The following PTPRD variants were observed in gnomAD, a reference collection of about 807,000 sequenced individuals.
The protein encoded by PTPRD is protein tyrosine phosphatase receptor type D, also known as receptor-type tyrosine-protein phosphatase delta.
Under a neutral mutation model 214.5 loss-of-function variants are expected in PTPRD, and 34 were observed. That is an observed-to-expected ratio of 0.16 (90% CI 0.12 to 0.21). The LOEUF (loss-of-function observed/expected upper bound fraction) is 0.21. PTPRD is among the 10% of genes least tolerant of loss of function. The pLI, the probability that PTPRD is intolerant of heterozygous loss-of-function variation, is 1.00. For synonymous variants in PTPRD, 1,128 were observed against 845.7 expected (o/e 1.33, Z -5.79); for missense variants, 2,545 against 2,398.7 (o/e 1.06, Z -1.27).
intron 5 of PTPRD, among the ~76,000 whole-genome samples, chr9:9,922,814 C>G (rs1265886992): frequency 6.6e-6 from 1 of 151,852 alleles, no homozygotes; most frequent in Non-Finnish European, 1.5e-5. Flanking sequence ...GCAAGAAAAG[C>G]TGGAGAGGTT....
intron 3 of PTPRD, among the ~76,000 whole-genome samples, chr9:10,083,819 T>A (rs151116513): frequency 1.9e-3 from 282 of 152,122 alleles, no homozygotes; most frequent in African/African-American, 6.5e-3. Context: ...GAGTTCATGC[T>A]TCCTTGATAA....
intron 9 of PTPRD, among the ~76,000 whole-genome samples, chr9:9,267,622 A>C (rs2132535262): frequency 6.6e-6 from 1 of 151,400 alleles, no homozygotes; most frequent in East Asian, 2.0e-4. Context: ...ATAGATAAAA[A>C]ATTCTCAAAA....
At chr9:10,469,413 G>C (rs903875169) in intron 2 of PTPRD, among the ~76,000 whole-genome samples, 1 of 152,076 alleles carries the variant, frequency 6.6e-6, no homozygotes, top group East Asian at 1.9e-4. Flanking sequence ...GAAGCAGAGA[G>C]AAATCCTTGC....
chr9:10,144,669 G>A (rs2099010119), intron 3 of PTPRD, among the ~76,000 whole-genome samples: 1 of 152,094 alleles, frequency 6.6e-6, no homozygotes, highest in Non-Finnish European at 1.5e-5. Flanking sequence ...TGGAGAGGAA[G>A]AATTTGATTT....
chr9:8,783,294 T>G (rs2154495339), intron 11 of PTPRD, among the ~76,000 whole-genome samples: 1 of 152,190 alleles, frequency 6.6e-6, no homozygotes, highest in Non-Finnish European at 1.5e-5. Flanking sequence ...AATGTTGGAG[T>G]TATTAATTTC....
chr9:10,225,999 A>C (rs540354448), intron 3 of PTPRD, among the ~76,000 whole-genome samples: 1 of 152,040 alleles, frequency 6.6e-6, no homozygotes, highest in Non-Finnish European at 1.5e-5. Flanking sequence ...TTTAAGTCCT[A>C]CTGCAGTTTA....
At chr9:10,584,142 C>T (rs1398241021) in intron 2 of PTPRD, among the ~76,000 whole-genome samples, 1 of 151,100 alleles carries the variant, frequency 6.6e-6, no homozygotes, top group Non-Finnish European at 1.5e-5. Flanking sequence ...CTTCTCTCTC[C>T]TATATCACAA....
chr9:9,286,274 G>A (rs1285584108), intron 9 of PTPRD, among the ~76,000 whole-genome samples: 2 of 151,756 alleles, frequency 1.3e-5, no homozygotes, highest in Admixed American at 1.3e-4. Context: ...CTCCAAAAGG[G>A]ATTTTTAAAA....
chr9:10,421,303 C>T (rs1028625044), intron 2 of PTPRD, among the ~76,000 whole-genome samples: 3 of 151,710 alleles, frequency 2.0e-5, no homozygotes, highest in African/African-American at 7.3e-5. Flanking sequence ...TCTTGCTCAC[C>T]CCCACACATA....
At chr9:8,767,194 C>T (rs1438496126) in intron 11 of PTPRD, among the ~76,000 whole-genome samples, 3 of 151,962 alleles carry the variant, frequency 2.0e-5, no homozygotes, top group Non-Finnish European at 2.9e-5. Context: ...CTTGGCTCAC[C>T]GCAACCTCCG....
intron 14 of PTPRD, among the ~76,000 whole-genome samples, chr9:8,601,422 G>A (rs2094854217): frequency 6.6e-6 from 1 of 152,144 alleles, no homozygotes; most frequent in Non-Finnish European, 1.5e-5. Context: ...GTTACAGCAG[G>A]CCTTGGGCAA....
chr9:9,714,688 G>A (rs112418128), intron 7 of PTPRD, among the ~76,000 whole-genome samples: 4 of 152,178 alleles, frequency 2.6e-5, no homozygotes, highest in South Asian at 2.1e-4. Flanking sequence ...GTACTGAAGA[G>A]TGGTGGAGCT....
At chr9:8,460,348 T>C (rs2096362959) in intron 33 of PTPRD, 63 bp downstream of exon 33, 1 of 1,581,390 alleles carries the variant, frequency 6.3e-7, no homozygotes, top group Non-Finnish European at 8.7e-7. Flanking sequence ...AGCAGAACAA[T>C]GATCAAGTCT....
chr9:10,264,479 G>C (rs1045966187), intron 3 of PTPRD, among the ~76,000 whole-genome samples: 10 of 152,144 alleles, frequency 6.6e-5, no homozygotes, highest in Non-Finnish European at 8.8e-5. Flanking sequence ...TTTAAGATTT[G>C]ACTGCCCTGC....
chr9:8,830,501 G>A (rs900343899), intron 11 of PTPRD, among the ~76,000 whole-genome samples: 1 of 152,108 alleles, frequency 6.6e-6, no homozygotes, highest in African/African-American at 2.4e-5. Context: ...TTCAGTCATC[G>A]AATCATGGAC....
chr9:8,334,368 C>T (rs111355140), intron 43 of PTPRD, among the ~76,000 whole-genome samples: 2 of 150,254 alleles, frequency 1.3e-5, no homozygotes, highest in South Asian at 4.3e-4. Context: ...AATTAGAACT[C>T]AAGATTAAAA....
rs141406391 is a variant in PTPRD, at chr9:8,843,795, G to T, written c.-103-109849C>A. ...AAGGGTTGGCAAGGACCCCATTTCT[G>T]CAGTGTAACAAAGACAGTGTCAAGC... is the stretch of plus-strand genomic sequence containing the variant. On this transcript the variant is annotated intron_variant, in intron 11 of 45. Coordinates refer to ENST00000381196, the MANE Select transcript of PTPRD (RefSeq NM_002839.4). Among the ~76,000 whole-genome samples, 33 of 152,226 alleles carry T rather than the reference G, an allele frequency of 2.2e-4. 1 individual carries two copies. In the East Asian group the frequency reaches 5.8e-3, roughly 27 times the overall value.
intron 5 of PTPRD, among the ~76,000 whole-genome samples, chr9:9,829,684 C>T (rs1003039224): frequency 1.3e-5 from 2 of 151,808 alleles, no homozygotes; most frequent in Admixed American, 6.6e-5. Context: ...ATTTTAGACA[C>T]TGAATGTTTC....
intron 8 of PTPRD, among the ~76,000 whole-genome samples, chr9:9,422,259 C>G (rs2079097397): frequency 6.6e-6 from 1 of 152,124 alleles, no homozygotes. Flanking sequence ...TGCTCCAGGT[C>G]ACACAGCTAA....
Sources: allele counts gnomAD v4.1 joint callset (sites outside exome capture counted in the v4.1 genomes callset), GRCh38; gene constraint gnomAD v4.1.1; transcripts MANE v1.5; gene names NCBI Gene and HGNC (gene_info 2026-07-23, HGNC 2026-07-21).